The following PPEF1 variants were observed in gnomAD, a reference collection of about 807,000 sequenced individuals.
PPEF1 encodes the protein protein phosphatase with EF-hand domain 1.
A neutral mutation model predicts 53.3 loss-of-function variants in PPEF1; 12 were observed. The observed-to-expected ratio is 0.23, with a 90% CI of 0.14 to 0.36. The LOEUF is 0.36. Among genes scored for constraint, PPEF1 ranks in the 10% least tolerant of loss-of-function variants. The pLI is 1.00. For missense variants in PPEF1, 334 were observed against 490.4 expected (o/e 0.68, Z 3.01); for synonymous variants, 165 against 176.7 (o/e 0.93, Z 0.52).
intron 1 of PPEF1, among the ~76,000 whole-genome samples, chrX:18,722,309 C>T (rs754894789): frequency 7.1e-5 from 8 of 112,046 alleles, no homozygotes; most frequent in African/African-American, 1.6e-4. Flanking sequence ...CCAGTTCATT[C>T]GAATTCATTT....
At chrX:18,745,068 A>G (rs2045291077) in intron 3 of PPEF1, among the ~76,000 whole-genome samples, 1 of 96,246 alleles carries the variant, frequency 1.0e-5, no homozygotes, top group African/African-American at 3.9e-5. Context: ...TATATTCCAT[A>G]TAATTATATA....
intron 1 of PPEF1, among the ~76,000 whole-genome samples, chrX:18,711,536 C>T (rs772006323): frequency 1.3e-4 from 14 of 111,799 alleles, no homozygotes; most frequent in South Asian, 3.7e-4. Flanking sequence ...CTGATTTTCA[C>T]GTATGGTGTG....
At chrX:18,817,456 C>T (rs1262399657) in intron 12 of PPEF1, among the ~76,000 whole-genome samples, 1 of 110,739 alleles carries the variant, frequency 9.0e-6, no homozygotes, top group Non-Finnish European at 1.9e-5. Context: ...ATTCTCCTGC[C>T]TCAGCCTCCC....
chrX:18,711,265 G>A (rs758917230), intron 1 of PPEF1, among the ~76,000 whole-genome samples: 3 of 88,946 alleles, frequency 3.4e-5, no homozygotes, highest in South Asian at 1.4e-3. Context: ...GCTAAATAAT[G>A]TATACATATG....
At chrX:18,821,155 G>A (rs1039413886) in intron 13 of PPEF1, among the ~76,000 whole-genome samples, 2 of 104,580 alleles carry the variant, frequency 1.9e-5, no homozygotes, top group African/African-American at 3.5e-5. Context: ...CCCAGGAGGC[G>A]CAGCTTGCAG....
At chrX:18,756,319 A>G (rs1341433482) in intron 4 of PPEF1, among the ~76,000 whole-genome samples, 1 of 109,705 alleles carries the variant, frequency 9.1e-6, no homozygotes, top group East Asian at 2.9e-4. Flanking sequence ...AGCTGGGACT[A>G]CAGGCGCGCC....
chrX:18,753,586 G>A (rs1226409582), intron 4 of PPEF1, among the ~76,000 whole-genome samples: 1 of 111,426 alleles, frequency 9.0e-6, no homozygotes, highest in Non-Finnish European at 1.9e-5. Flanking sequence ...TGCATTTACA[G>A]CTACAAATTT....
intron 3 of PPEF1, among the ~76,000 whole-genome samples, chrX:18,736,717 T>A (rs779164971): frequency 4.4e-5 from 5 of 112,508 alleles, no homozygotes; most frequent in Non-Finnish European, 9.4e-5. Flanking sequence ...CCAGCTCCTC[T>A]TTGTACCTCT....
chrX:18,780,418 A>G (rs1422818331), intron 7 of PPEF1, among the ~76,000 whole-genome samples: 5 of 112,505 alleles, frequency 4.4e-5, no homozygotes, highest in African/African-American at 1.6e-4. Flanking sequence ...GTTCAGGAGG[A>G]CAGGAGCATA....
intron 10 of PPEF1, among the ~76,000 whole-genome samples, chrX:18,794,471 G>T (rs1234407672): frequency 8.9e-6 from 1 of 112,976 alleles, no homozygotes; most frequent in Non-Finnish European, 1.9e-5. Flanking sequence ...GCAGCTGGGA[G>T]CAGGGACAGT....
chrX:18,773,455 A>G (rs2045907366), intron 6 of PPEF1, among the ~76,000 whole-genome samples: 1 of 111,555 alleles, frequency 9.0e-6, no homozygotes, highest in African/African-American at 3.3e-5. Flanking sequence ...CATGAACACT[A>G]TATATCTGGG....
intron 4 of PPEF1, among the ~76,000 whole-genome samples, chrX:18,697,126 T>C (rs1390852406): frequency 8.9e-6 from 1 of 112,177 alleles, no homozygotes; most frequent in Non-Finnish European, 1.9e-5. Context: ...TGTCTTTCCA[T>C]AGTTTGCTAT....
At chrX:18,733,129 C>T (rs1044410969) in intron 2 of PPEF1, among the ~76,000 whole-genome samples, 3 of 111,293 alleles carry the variant, frequency 2.7e-5, no homozygotes, top group Admixed American at 9.6e-5. Flanking sequence ...TCGCTTGATC[C>T]GGGGAGGCGG....
At chrX:18,772,454 T>C (rs2045890566) in intron 6 of PPEF1, among the ~76,000 whole-genome samples, 1 of 112,093 alleles carries the variant, frequency 8.9e-6, no homozygotes, top group African/African-American at 3.2e-5. Flanking sequence ...CTATTATATA[T>C]GTTAATCATT....
intron 6 of PPEF1, 42 bp downstream of exon 6, chrX:18,761,618 G>A (rs773776471): frequency 9.7e-7 from 1 of 1,029,518 alleles, no homozygotes. Flanking sequence ...TTTCTTGGGG[G>A]AGGGCAGTCT....
intron 6 of PPEF1, among the ~76,000 whole-genome samples, chrX:18,775,426 T>C (rs891321080): frequency 2.7e-5 from 3 of 110,675 alleles, no homozygotes; most frequent in African/African-American, 9.9e-5. Context: ...GGTTTCACCA[T>C]GTTGGCCAGG....
Position 18,685,426 on chromosome X carries a change from C to T in PPEF1, c.-520+657C>T, listed in dbSNP as rs186068762. On this transcript the variant is annotated intron_variant, in intron 2 of 21. Coordinates refer to the PPEF1 transcript ENST00000361511. Reference sequence around the variant, plus strand: ...TTCTGCCAGGCACGGTGGCTCACGCCTGTAATCCCAGCACTTTGGGAGGCC... The same window carrying T: ...TTCTGCCAGGCACGGTGGCTCACGCTTGTAATCCCAGCACTTTGGGAGGCC... Among the ~76,000 whole-genome samples the T allele has an allele frequency of 1.8e-3, 197 of 112,000 alleles. 1 individual carries two copies. The highest frequency in any genetic ancestry group is 5.8e-3 in the African/African-American group (178 of 30,863).
chrX:18,825,644 T>C, intron 14 of PPEF1, 107 bp from the exon 15 acceptor site: 1 of 466,983 alleles, frequency 2.1e-6, no homozygotes, highest in Non-Finnish European at 3.4e-6. Context: ...TCTGTCTAAA[T>C]CACATCATTT....
chrX:18,726,284 C>T (rs1187245211), intron 1 of PPEF1, among the ~76,000 whole-genome samples: 1 of 110,236 alleles, frequency 9.1e-6, no homozygotes, highest in Non-Finnish European at 1.9e-5. Flanking sequence ...ATCCAGGAGG[C>T]GGAGGTTGCA....
Sources: gnomAD v4.1 joint callset for allele counts (sites outside exome capture counted in the v4.1 genomes callset) on GRCh38, gnomAD v4.1.1 for gene constraint, MANE v1.5 for transcripts, NCBI Gene and HGNC (gene_info 2026-07-23, HGNC 2026-07-21) for gene names.